Variants in CMSS1 observed in about 807,000 individuals in gnomAD.
CMSS1 encodes the protein cms1 ribosomal small subunit homolog, also known as protein CMSS1.
CMSS1 carries 33 observed loss-of-function variants against 43.5 expected under a neutral mutation model. The observed-to-expected ratio is 0.76, with a 90% CI of 0.57 to 1.01. The LOEUF (loss-of-function observed/expected upper bound fraction) is 1.01. Among genes scored for constraint, CMSS1 ranks in the 50% least tolerant of loss-of-function variants. The pLI is 0.00. For missense variants in CMSS1, 313 were observed against 326.4 expected (o/e 0.96, Z 0.32); for synonymous variants, 115 against 117.2 (o/e 0.98, Z 0.12).
chr3:99,898,345 A>G (rs1706326663), intron 1 of CMSS1: 2 of 152,240 alleles, frequency 1.3e-5, no homozygotes, highest in Non-Finnish European at 1.5e-5. Flanking sequence ...GTCTTGATTC[A>G]TAAGCCCAAC....
At chr3:100,042,986 A>G (rs1280565740) in intron 1 of CMSS1, among the ~76,000 whole-genome samples, 3 of 152,270 alleles carry the variant, frequency 2.0e-5, no homozygotes, top group Non-Finnish European at 2.9e-5. Flanking sequence ...CATTCGCAGA[A>G]CAAGAGGGAT....
chr3:99,950,896 G>A (rs1559700678), intron 1 of CMSS1, among the ~76,000 whole-genome samples: 1 of 152,158 alleles, frequency 6.6e-6, no homozygotes, highest in Non-Finnish European at 1.5e-5. Flanking sequence ...ACTGATCACG[G>A]AGACAGTAGT....
rs148731515 is a variant in CMSS1 at position 100,107,550 on chromosome 3, C to T, written c.65-39423C>T. Among the ~76,000 whole-genome samples, 73 of 152,206 alleles carry T rather than the reference C, an allele frequency of 4.8e-4. 2 individuals are homozygous for T. In the East Asian group the frequency reaches 5.0e-3, roughly 10 times the overall value. On this transcript the variant is annotated intron_variant, in intron 1 of 9. Coordinates refer to ENST00000421999, the MANE Select transcript of CMSS1 (RefSeq NM_032359.4). ...TTCTGAAACTAACCTAACCACTAAA[C>T]GATAGGCTAGTAAAACTTGCAGTCT...
chr3:100,073,834 C>T lies in CMSS1; in HGVS notation c.65-73139C>T, dbSNP rs183453362. ...TTTATTAAGAATCTTTCCACTCACT[C>T]TTTTTAAGCTTATGTCCCTTTCCTT... On this transcript the variant is annotated intron_variant, in intron 1 of 9. Coordinates refer to ENST00000421999, the MANE Select transcript of CMSS1 (RefSeq NM_032359.4). 2.6e-4 allele frequency among the ~76,000 whole-genome samples: 39 copies of T among 152,312 alleles called. No individual in the cohort carries two copies. In the East Asian group the frequency reaches 6.7e-3, roughly 26 times the overall value.
chr3:100,018,443 G>C (rs902065414), intron 1 of CMSS1, among the ~76,000 whole-genome samples: 3 of 152,060 alleles, frequency 2.0e-5, no homozygotes, highest in African/African-American at 7.2e-5. Context: ...GAGTTGAGAG[G>C]GCCCTTCAAA....
At chr3:100,077,045 C>T (rs1199300841) in intron 1 of CMSS1, among the ~76,000 whole-genome samples, 2 of 152,198 alleles carry the variant, frequency 1.3e-5, no homozygotes, top group African/African-American at 4.8e-5. Context: ...GGCCAGGGTA[C>T]GCTTACATAA....
In CMSS1 at chr3:100,030,193, A is replaced by G. The variant is rs528985551; in HGVS notation, c.65-116780A>G. Among the ~76,000 whole-genome samples, 3 of 152,292 alleles carry G rather than the reference A, an allele frequency of 2.0e-5. No individual in the cohort carries two copies. The East Asian group carries it at 5.8e-4, about 29-fold the overall frequency. ...TTGGAATTTGGAACTCCTATTTTCT[A>G]GTTTAATATTATTTTCTCTACTCTT... On this transcript the variant is annotated intron_variant, in intron 1 of 9. Transcript: ENST00000421999.
At chr3:100,135,048 A>G (rs984966872) in intron 1 of CMSS1, among the ~76,000 whole-genome samples, 1 of 152,224 alleles carries the variant, frequency 6.6e-6, no homozygotes, top group Non-Finnish European at 1.5e-5. Flanking sequence ...TGATATGGGA[A>G]TTAAATGAGT....
intron 1 of CMSS1, among the ~76,000 whole-genome samples, chr3:100,050,473 A>G (rs1215032731): frequency 6.6e-6 from 1 of 152,194 alleles, no homozygotes; most frequent in African/African-American, 2.4e-5. Context: ...ATTAGATCAT[A>G]GTCATTTTCT....
chr3:99,832,158 C>T (rs944590671), intron 1 of CMSS1, among the ~76,000 whole-genome samples: 6 of 151,810 alleles, frequency 4.0e-5, no homozygotes, highest in African/African-American at 1.5e-4. Context: ...ATTTTCATTA[C>T]GTAGTTTTTA....
intron 1 of CMSS1, among the ~76,000 whole-genome samples, chr3:100,086,599 C>CA (rs2066013803): frequency 6.6e-6 from 1 of 152,276 alleles, no homozygotes; most frequent in Admixed American, 6.5e-5. Context: ...GGCTAACGTC[C>CA]AAAATATGTG....
chr3:100,038,513 G>A (rs1191342236), intron 1 of CMSS1, among the ~76,000 whole-genome samples: 1 of 152,034 alleles, frequency 6.6e-6, no homozygotes, highest in East Asian at 1.9e-4. Flanking sequence ...TTGACTGTTC[G>A]GTTTAATTTC....
intron 1 of CMSS1, among the ~76,000 whole-genome samples, chr3:100,003,281 A>T (rs993610754): frequency 1.3e-5 from 2 of 152,248 alleles, no homozygotes; most frequent in African/African-American, 2.4e-5. Flanking sequence ...ACATTGACTC[A>T]GTCAAACCAG....
intron 1 of CMSS1, among the ~76,000 whole-genome samples, chr3:100,106,330 A>T (rs2066394599): frequency 6.6e-6 from 1 of 152,176 alleles, no homozygotes; most frequent in Non-Finnish European, 1.5e-5. Flanking sequence ...AGGCCAGCCT[A>T]GGCATGACTG....
chr3:100,160,479 C>A lies in CMSS1; in HGVS notation c.203C>A (p.Thr68Asn). 6.6e-7 allele frequency: 1 copy of A among 1,511,200 alleles called. No individual in the cohort carries two copies. The highest frequency in any genetic ancestry group is 9.2e-7 in the Non-Finnish European group (1 of 1,090,848). The allele number at this position is 1,511,200 out of a possible 1,614,324, so 93.6% of individuals were successfully genotyped here. A position where few individuals can be genotyped will look rare whatever the true frequency, so the allele number is the denominator to read the frequency against. ...IQPKERKENT[T>N]KTRKRRKKKI... Reference sequence around the variant, plus strand: ...CCAAAGGAAAGAAAAGAGAATACCACCAAGACCAGGAAAAGAAGAAAGGTA... The same window carrying A: ...CCAAAGGAAAGAAAAGAGAATACCAACAAGACCAGGAAAAGAAGAAAGGTA... The change falls in exon 3 of 10, where the codon ACC becomes AAC. Residue 68 changes from threonine to asparagine, a missense_variant. Physicochemically the swap from Thr to Asn is moderately conservative, Grantham distance 65. Coordinates refer to ENST00000421999, the MANE Select transcript of CMSS1 (RefSeq NM_032359.4).
At position 99,817,885 on chromosome 3, in the gene CMSS1, GT is replaced by G. The variant is rs1216908024; in HGVS notation, c.-94del. ...ACAGTGTCTAGCGGGAGCTCCGCGT[GT>G]AGCTACGCCGGCCGCCTGGCTTTGA... On this transcript the variant is annotated 5_prime_UTR_variant, in exon 1 of 10. Transcript: ENST00000421999. The G allele has an allele frequency of 1.5e-6, 2 of 1,320,522 alleles. No homozygotes were observed. Among genetic ancestry groups the G allele is most frequent in the Non-Finnish European group, 2.2e-6 (2 of 929,626 alleles). The allele number at this position is 1,320,522 out of a possible 1,614,324, so 81.8% of individuals were successfully genotyped here. A position where few individuals can be genotyped will look rare whatever the true frequency, so the allele number is the denominator to read the frequency against.
Position 99,817,877 on chromosome 3 carries a change from C to G in CMSS1, c.-103C>G, listed in dbSNP as rs566681976. Reference sequence around the variant, plus strand: ...CGGAGGCGACAGTGTCTAGCGGGAGCTCCGCGTGTAGCTACGCCGGCCGCC... The same window carrying G: ...CGGAGGCGACAGTGTCTAGCGGGAGGTCCGCGTGTAGCTACGCCGGCCGCC... On this transcript the variant is annotated 5_prime_UTR_variant, in exon 1 of 10. Transcript: ENST00000421999. The G allele has an allele frequency of 3.1e-4, 379 of 1,211,198 alleles. 1 individual carries two copies. In the African/African-American group the frequency reaches 4.4e-3, roughly 14 times the overall value. 75.0% of individuals were successfully genotyped at this position (1,211,198 alleles called of 1,614,324 possible).
intron 1 of CMSS1, among the ~76,000 whole-genome samples, chr3:99,991,501 T>C (rs879780001): frequency 1.3e-5 from 2 of 152,180 alleles, no homozygotes; most frequent in Non-Finnish European, 2.9e-5. Flanking sequence ...ATTTCTTACA[T>C]GCATATATTG....
chr3:99,888,045 C>T (rs1314463121), intron 1 of CMSS1, among the ~76,000 whole-genome samples: 3 of 152,176 alleles, frequency 2.0e-5, no homozygotes, highest in South Asian at 4.2e-4. Flanking sequence ...TGCCTGGCCT[C>T]CTGTTGTATA....
Sources: allele counts gnomAD v4.1 joint callset (sites outside exome capture counted in the v4.1 genomes callset), GRCh38; gene constraint gnomAD v4.1.1; transcripts MANE v1.5; gene names NCBI Gene and HGNC (gene_info 2026-07-23, HGNC 2026-07-21).